Variants in NCKAP5 observed in about 807,000 individuals in gnomAD.
The protein encoded by NCKAP5 is NCK associated protein 5.
In NCKAP5, 92 loss-of-function variants were observed where a neutral mutation model predicts 167.0. That is an observed-to-expected ratio of 0.55 (90% CI 0.47 to 0.66). The LOEUF is 0.66. Ranked by LOEUF, NCKAP5 falls within the 30% of genes least tolerant of loss-of-function variation. The pLI is 0.00. For synonymous variants in NCKAP5, 891 were observed against 877.4 expected (o/e 1.02, Z -0.27); for missense variants, 2,378 against 2,315.0 (o/e 1.03, Z -0.56).
chr2:132,813,647 G>T (rs897784070), intron 11 of NCKAP5, among the ~76,000 whole-genome samples: 6 of 152,144 alleles, frequency 3.9e-5, no homozygotes, highest in African/African-American at 9.7e-5. Flanking sequence ...TATCCAGATG[G>T]TCAGCAAGAA....
chr2:133,323,632 ACAC>A (rs1214726454), intron 3 of NCKAP5, among the ~76,000 whole-genome samples: 1 of 152,232 alleles, frequency 6.6e-6, no homozygotes, highest in Non-Finnish European at 1.5e-5. Context: ...ATCTCAAGGC[ACAC>A]CTTTCTCCTG....
chr2:132,686,934 A>G (rs1372770375), intron 19 of NCKAP5, among the ~76,000 whole-genome samples: 2 of 152,238 alleles, frequency 1.3e-5, no homozygotes, highest in African/African-American at 2.4e-5. Flanking sequence ...GAAATAATCA[A>G]CAACATTACA....
At chr2:133,545,945 T>G (rs1376236510) in intron 2 of NCKAP5, among the ~76,000 whole-genome samples, 1 of 152,238 alleles carries the variant, frequency 6.6e-6, no homozygotes, top group Admixed American at 6.5e-5. Context: ...GAAATTATTT[T>G]GGTTTGTTAT....
chr2:133,638,667 G>A, the NCKAP5 span, among the ~76,000 whole-genome samples: 1 of 152,048 alleles, frequency 6.6e-6, no homozygotes, highest in African/African-American at 2.4e-5. Flanking sequence ...AGACCAGCTT[G>A]GCCAACATGG....
At chr2:132,728,358 C>G (rs146070040) in intron 18 of NCKAP5, among the ~76,000 whole-genome samples, 210 of 152,290 alleles carry the variant, frequency 1.4e-3, no homozygotes, top group African/African-American at 4.9e-3. Context: ...CTCACGGATT[C>G]TAGCAAGTCA....
the NCKAP5 span, among the ~76,000 whole-genome samples, chr2:133,628,671 C>A: frequency 2.0e-5 from 3 of 152,174 alleles, no homozygotes; most frequent in South Asian, 4.1e-4. Flanking sequence ...AAAAAGAGCC[C>A]GTATAGCCAA....
intron 2 of NCKAP5, among the ~76,000 whole-genome samples, chr2:133,556,302 A>C (rs55664663): frequency 0.27 from 41,384 of 152,128 alleles, 6,172 homozygotes; most frequent in East Asian, 0.38. Context: ...AAATGTCCCA[A>C]ATAAATCTAA....
intron 6 of NCKAP5, among the ~76,000 whole-genome samples, chr2:133,086,398 G>C (rs1011063037): frequency 6.6e-6 from 1 of 152,132 alleles, no homozygotes; most frequent in Non-Finnish European, 1.5e-5. Context: ...CGCACTATGG[G>C]AGAACGAGGT....
At chr2:133,525,312 G>A (rs1274653041) in intron 2 of NCKAP5, among the ~76,000 whole-genome samples, 1 of 152,156 alleles carries the variant, frequency 6.6e-6, no homozygotes, top group East Asian at 1.9e-4. Context: ...CTACATTCAT[G>A]CTCACTAAAC....
intron 5 of NCKAP5, among the ~76,000 whole-genome samples, chr2:133,186,523 A>G (rs1167078378): frequency 6.6e-6 from 1 of 152,122 alleles, no homozygotes; most frequent in Non-Finnish European, 1.5e-5. Context: ...TAGTTCTAGT[A>G]AGACTGGTAC....
chr2:132,729,329 G>A (rs1241339495), intron 17 of NCKAP5, among the ~76,000 whole-genome samples: 1 of 152,190 alleles, frequency 6.6e-6, no homozygotes, highest in Non-Finnish European at 1.5e-5. Flanking sequence ...ACTTCTCAGA[G>A]GCTTCAGTGT....
At chr2:133,120,909 C>A (rs1300404855) in intron 6 of NCKAP5, among the ~76,000 whole-genome samples, 1 of 152,162 alleles carries the variant, frequency 6.6e-6, no homozygotes, top group African/African-American at 2.4e-5. Context: ...ATTCTGGCTG[C>A]ATCTTTCTAC....
chr2:133,230,354 C>G (rs567462515), intron 4 of NCKAP5, among the ~76,000 whole-genome samples: 57 of 152,260 alleles, frequency 3.7e-4, no homozygotes, highest in Admixed American at 8.5e-4. Flanking sequence ...CTACCTCCTT[C>G]TAGCGTTGCT....
At chr2:132,706,936 G>C (rs892536437) in intron 19 of NCKAP5, among the ~76,000 whole-genome samples, 11 of 152,188 alleles carry the variant, frequency 7.2e-5, no homozygotes, top group African/African-American at 2.7e-4. Context: ...GGCCTAAAAA[G>C]AACATAAGAA....
intron 4 of NCKAP5, among the ~76,000 whole-genome samples, chr2:133,302,802 AAT>A (rs1417098590): frequency 2.1e-4 from 31 of 150,826 alleles, no homozygotes; most frequent in African/African-American, 6.8e-4. Context: ...AAATAAAAAA[AAT>A]AAATAAATAA....
intron 2 of NCKAP5, among the ~76,000 whole-genome samples, chr2:133,558,704 C>CAAAATAA (rs1687930527): frequency 3.9e-5 from 2 of 50,872 alleles, no homozygotes; most frequent in African/African-American, 8.1e-5. Context: ...ATGTGCTGAG[C>CAAAATAA]AAAAAAAAAA....
At chr2:132,926,552 G>T (rs1695909414) in intron 8 of NCKAP5, among the ~76,000 whole-genome samples, 1 of 151,946 alleles carries the variant, frequency 6.6e-6, no homozygotes, top group African/African-American at 2.4e-5. Context: ...TTTGGTTTTT[G>T]TCTTTTTAAT....
intron 5 of NCKAP5, among the ~76,000 whole-genome samples, chr2:133,208,001 C>A (rs2086032465): frequency 6.6e-6 from 1 of 152,030 alleles, no homozygotes; most frequent in East Asian, 1.9e-4. Context: ...GCAGAGAAAT[C>A]TGACAGACAC....
chr2:132,905,640 T>G (rs1693952169), intron 8 of NCKAP5, among the ~76,000 whole-genome samples: 1 of 152,242 alleles, frequency 6.6e-6, no homozygotes, highest in Admixed American at 6.5e-5. Flanking sequence ...CAACGAGTGT[T>G]ATAGTTTTCT....
Sources: gnomAD v4.1 joint callset for allele counts (sites outside exome capture counted in the v4.1 genomes callset) on GRCh38, gnomAD v4.1.1 for gene constraint, MANE v1.5 for transcripts, NCBI Gene and HGNC (gene_info 2026-07-23, HGNC 2026-07-21) for gene names.